Variants in MMP26 observed in about 807,000 individuals in gnomAD.
The protein encoded by MMP26 is matrix metallopeptidase 26, also known as matrix metalloproteinase-26.
Under a neutral mutation model 31.0 loss-of-function variants are expected in MMP26, and 33 were observed. The observed-to-expected ratio is 1.06, with a 90% confidence interval of 0.81 to 1.42. The LOEUF (loss-of-function observed/expected upper bound fraction) is 1.42. MMP26 is among the 40% of genes most tolerant of loss of function. The probability of loss-of-function intolerance (pLI) is 0.00; values close to 1 mark genes in which losing one functional copy is unlikely to be tolerated. For synonymous variants in MMP26, 122 were observed against 114.9 expected (o/e 1.06, Z -0.40); for missense variants, 347 against 316.1 (o/e 1.10, Z -0.74).
At chr11:4,928,731 C>G (rs1851306764) in intron 2 of MMP26, among the ~76,000 whole-genome samples, 1 of 152,168 alleles carries the variant, frequency 6.6e-6, no homozygotes, top group African/African-American at 2.4e-5. Flanking sequence ...CTTTGTACTT[C>G]AAGGTTCTGC....
chr11:4,986,241 C>T (rs1846884763), intron 2 of MMP26, among the ~76,000 whole-genome samples: 1 of 152,116 alleles, frequency 6.6e-6, no homozygotes, highest in Non-Finnish European at 1.5e-5. Flanking sequence ...ATATTTTAAT[C>T]TATACCAAAG....
chr11:4,862,190 T>G (rs763425166), intron 2 of MMP26, among the ~76,000 whole-genome samples: 6 of 152,226 alleles, frequency 3.9e-5, no homozygotes, highest in Non-Finnish European at 8.8e-5. Flanking sequence ...GGTTTCCACA[T>G]ATGCTGTTTT....
At chr11:4,855,932 A>T (rs1850045174) in intron 2 of MMP26, among the ~76,000 whole-genome samples, 1 of 152,226 alleles carries the variant, frequency 6.6e-6, no homozygotes, top group African/African-American at 2.4e-5. Flanking sequence ...ATTCTTAAAG[A>T]AAAGAATTTT....
chr11:4,753,825 C>G (rs756616089), intron 1 of MMP26, among the ~76,000 whole-genome samples: 1 of 151,942 alleles, frequency 6.6e-6, no homozygotes, highest in South Asian at 2.1e-4. Context: ...TTCCTATGAA[C>G]CTGAAGCTTG....
intron 2 of MMP26, among the ~76,000 whole-genome samples, chr11:4,917,074 G>T (rs1359905959): frequency 6.6e-6 from 1 of 152,102 alleles, no homozygotes; most frequent in Non-Finnish European, 1.5e-5. Flanking sequence ...GCTCAAAGAG[G>T]GTAGGGGCTT....
intron 1 of MMP26, among the ~76,000 whole-genome samples, chr11:4,732,537 G>A (rs1187927949): frequency 4.1e-5 from 5 of 120,822 alleles, no homozygotes; most frequent in Admixed American, 9.1e-5. Context: ...AGCGAGACTC[G>A]TCTCAAAAAA....
chr11:4,835,203 G>GACAC (rs3064937), intron 2 of MMP26, among the ~76,000 whole-genome samples: 5,924 of 143,034 alleles, frequency 0.041, 199 homozygotes, highest in African/African-American at 0.078. Context: ...CTCTCTTTCT[G>GACAC]ACACACACAC....
chr11:4,764,990 A>G (rs1055799003), intron 1 of MMP26, among the ~76,000 whole-genome samples: 1 of 152,188 alleles, frequency 6.6e-6, no homozygotes, highest in Non-Finnish European at 1.5e-5. Context: ...AGGACATTCA[A>G]ACATCTGTTG....
chr11:4,801,187 C>G (rs1589904560), intron 2 of MMP26, among the ~76,000 whole-genome samples: 2 of 152,212 alleles, frequency 1.3e-5, no homozygotes, highest in African/African-American at 4.8e-5. Flanking sequence ...CTGAACTCTT[C>G]TAACCTCTGC....
At chr11:4,962,286 A>G (rs929395792) in intron 2 of MMP26, among the ~76,000 whole-genome samples, 4 of 152,176 alleles carry the variant, frequency 2.6e-5, no homozygotes, top group Non-Finnish European at 5.9e-5. Context: ...CTCAATTTGG[A>G]GACCTCTGTA....
intron 1 of MMP26, among the ~76,000 whole-genome samples, chr11:4,744,620 CA>C (rs993178136): frequency 6.6e-6 from 1 of 152,072 alleles, no homozygotes; most frequent in Non-Finnish European, 1.5e-5. Context: ...CCTCGCCCCA[CA>C]AAAAAACTTA....
At chr11:4,936,241 G>T (rs1048896457) in intron 2 of MMP26, among the ~76,000 whole-genome samples, 4 of 149,774 alleles carry the variant, frequency 2.7e-5, no homozygotes, top group Non-Finnish European at 5.9e-5. Flanking sequence ...ATTGATTATT[G>T]CCACAATTTC....
rs74900075 is a variant in MMP26 at position 4,967,390 on chromosome 11, G to A, written c.-144-20678G>A. ...AAAGGCCTTATACGTTTTCTTTACC[G>A]AAACTTTTCATAAGAATCTCAAATT... On this transcript the variant is annotated intron_variant, in intron 2 of 7. Transcript: ENST00000380390. 9.6e-3 allele frequency among the ~76,000 whole-genome samples: 1,459 copies of A among 152,262 alleles called. 40 individuals are homozygous for A. Among genetic ancestry groups the A allele is most frequent in the East Asian group, 0.025 (132 of 5,178 alleles).
chr11:4,829,673 T>C (rs541104046), intron 2 of MMP26, among the ~76,000 whole-genome samples: 3 of 152,014 alleles, frequency 2.0e-5, no homozygotes, highest in Non-Finnish European at 4.4e-5. Flanking sequence ...TATAAGACAA[T>C]GGGGAAAGAA....
At chr11:4,782,594 C>T (rs1047126489) in intron 2 of MMP26, among the ~76,000 whole-genome samples, 4 of 152,178 alleles carry the variant, frequency 2.6e-5, no homozygotes, top group Non-Finnish European at 5.9e-5. Context: ...GCCAGCTGCA[C>T]AAATTTGCAT....
intron 2 of MMP26, among the ~76,000 whole-genome samples, chr11:4,892,358 T>A (rs1850637765): frequency 6.6e-6 from 1 of 152,242 alleles, no homozygotes; most frequent in African/African-American, 2.4e-5. Flanking sequence ...CAGAAGTGTC[T>A]TGGCCCTTAA....
At chr11:4,857,769 C>CA (rs1303728459) in intron 2 of MMP26, among the ~76,000 whole-genome samples, 5 of 151,992 alleles carry the variant, frequency 3.3e-5, no homozygotes, top group South Asian at 4.1e-4. Context: ...AGAGACACAA[C>CA]AAAAAAACAG....
chr11:4,709,737 C>T, intron 1 of MMP26: 1 of 460,898 alleles, frequency 2.2e-6, no homozygotes. Flanking sequence ...TGAGTCAAGC[C>T]TCCATGAACC....
In MMP26 at chr11:4,845,524, A is replaced by G. The variant is rs531083314; in HGVS notation, c.-145+78183A>G. ...AAACATTGGGGAAATTCTCCAGGAC[A>G]TTGATCTGGGTAAAAATTTCTTGAG... is the stretch of plus-strand genomic sequence containing the variant. On this transcript the variant is annotated intron_variant, in intron 2 of 7. Transcript: ENST00000380390. Among the ~76,000 whole-genome samples the G allele has an allele frequency of 3.9e-5, 6 of 152,304 alleles. No homozygotes were observed. The South Asian group carries it at 8.3e-4, about 21-fold the overall frequency.
Sources: allele counts gnomAD v4.1 joint callset (sites outside exome capture counted in the v4.1 genomes callset), GRCh38; gene constraint gnomAD v4.1.1; transcripts MANE v1.5; gene names NCBI Gene and HGNC (gene_info 2026-07-23, HGNC 2026-07-21).